The following COL14A1 variants were observed in gnomAD, a reference collection of about 807,000 sequenced individuals.
COL14A1 encodes the protein collagen alpha-1(XIV) chain.
In COL14A1, 136 loss-of-function variants were observed where a neutral mutation model predicts 230.3. The observed-to-expected ratio is 0.59, with a 90% confidence interval of 0.51 to 0.68. The LOEUF (loss-of-function observed/expected upper bound fraction) is 0.68. Ranked by LOEUF, COL14A1 falls within the 30% of genes least tolerant of loss-of-function variation. The pLI, the probability that COL14A1 is intolerant of heterozygous loss-of-function variation, is 0.00. For synonymous variants in COL14A1, 792 were observed against 784.1 expected, an observed-to-expected ratio of 1.01 and a Z score of -0.17; for missense variants, 1,976 against 2,215.8, an observed-to-expected ratio of 0.89 and a Z score of 2.17.
At chr8:120,146,758 A>G (rs1369260086) in intron 1 of COL14A1, among the ~76,000 whole-genome samples, 5 of 152,086 alleles carry the variant, frequency 3.3e-5, no homozygotes, top group Non-Finnish European at 4.4e-5. Flanking sequence ...CATTATGTTT[A>G]TTTATTATTT....
chr8:120,292,482 G>A (rs1820402583), intron 34 of COL14A1, among the ~76,000 whole-genome samples: 1 of 152,086 alleles, frequency 6.6e-6, no homozygotes, highest in Admixed American at 6.6e-5. Context: ...ATTTGATTAT[G>A]TTGAAATGAA....
chr8:120,178,297 A>G lies in COL14A1; in HGVS notation c.436+10050A>G, dbSNP rs558519873. 2.0e-5 allele frequency among the ~76,000 whole-genome samples: 3 copies of G among 151,484 alleles called. No individual in the cohort carries two copies. The East Asian group carries it at 5.8e-4, about 29-fold the overall frequency. On this transcript the variant is annotated intron_variant, in intron 5 of 47. Coordinates refer to ENST00000297848, the MANE Select transcript of COL14A1 (RefSeq NM_021110.4). Reference sequence around the variant, plus strand: ...TATGTCCATGTGTTCTCATTGTTCAACTCCCACTTATGAGTGAGAACATGC... The same window carrying G: ...TATGTCCATGTGTTCTCATTGTTCAGCTCCCACTTATGAGTGAGAACATGC...
chr8:120,270,662 C>T (rs1000818969), intron 26 of COL14A1, among the ~76,000 whole-genome samples: 1 of 151,534 alleles, frequency 6.6e-6, no homozygotes, highest in Non-Finnish European at 1.5e-5. Context: ...GGCTCATATT[C>T]TTAAAAGTAA....
intron 45 of COL14A1, among the ~76,000 whole-genome samples, chr8:120,366,927 G>T (rs747107417): frequency 7.2e-5 from 11 of 152,196 alleles, no homozygotes; most frequent in Non-Finnish European, 1.0e-4. Context: ...GAAGGAGAAA[G>T]AGAGACTGGC....
At position 120,165,505 on chromosome 8, in the gene COL14A1, T is replaced by C. The variant is rs533773919; in HGVS notation, c.350-2656T>C. ...CTGCAAATGAGGGTGATGATATGCC[T>C]ATTACTGTGCAGATGAGCTTACTTC... is the stretch of plus-strand genomic sequence containing the variant. On this transcript the variant is annotated intron_variant, in intron 4 of 47. Transcript: ENST00000297848. Among the ~76,000 whole-genome samples, 16 of 152,368 alleles carry C rather than the reference T, an allele frequency of 1.1e-4. No individual in the cohort carries two copies. In the South Asian group the frequency reaches 3.3e-3, roughly 32 times the overall value.
intron 26 of COL14A1, 85 bp from the exon 27 acceptor site, chr8:120,278,026 A>G (rs1310631151): frequency 8.2e-7 from 1 of 1,225,078 alleles, no homozygotes; most frequent in Non-Finnish European, 1.1e-6. Flanking sequence ...GAAGAAATTA[A>G]AACTACAGGT....
chr8:120,205,284 G>A (rs1817391413), intron 9 of COL14A1, among the ~76,000 whole-genome samples: 1 of 152,110 alleles, frequency 6.6e-6, no homozygotes, highest in Admixed American at 6.5e-5. Context: ...CCATGTCTGG[G>A]ATATATGAGT....
chr8:120,274,372 A>T (rs1819774270), intron 26 of COL14A1, among the ~76,000 whole-genome samples: 1 of 151,914 alleles, frequency 6.6e-6, no homozygotes, highest in Admixed American at 6.6e-5. Flanking sequence ...CCAAAATCAT[A>T]CTGAATGGAA....
chr8:120,224,022 C>CTTTTTTTTT (rs1563681445), intron 14 of COL14A1, among the ~76,000 whole-genome samples: 1 of 48,566 alleles, frequency 2.1e-5, no homozygotes, highest in African/African-American at 7.7e-5. Context: ...GCCCTCATCT[C>CTTTTTTTTT]CTTTTTTTTT....
chr8:120,259,953 G>A (rs555957378), intron 23 of COL14A1, among the ~76,000 whole-genome samples: 66 of 152,204 alleles, frequency 4.3e-4, no homozygotes, highest in African/African-American at 1.4e-3. Flanking sequence ...TAAGCAAAGC[G>A]AAACACTGAG....
intron 40 of COL14A1, among the ~76,000 whole-genome samples, chr8:120,328,292 G>A (rs1477547496): frequency 6.6e-6 from 1 of 152,094 alleles, no homozygotes; most frequent in Non-Finnish European, 1.5e-5. Context: ...GGAGTGCAGT[G>A]GTGTGATCAC....
intron 40 of COL14A1, among the ~76,000 whole-genome samples, chr8:120,326,600 A>C (rs1821677336): frequency 1.3e-5 from 2 of 152,350 alleles, no homozygotes; most frequent in South Asian, 4.1e-4. Flanking sequence ...GTTATGAAGA[A>C]ATTTTAGAAA....
chr8:120,317,312 A>G (rs1821267345), intron 40 of COL14A1, among the ~76,000 whole-genome samples: 1 of 152,194 alleles, frequency 6.6e-6, no homozygotes, highest in Admixed American at 6.5e-5. Flanking sequence ...TGTTTTTTCT[A>G]TAGAATGTAG....
At chr8:120,125,783 T>C (rs1318172023) in intron 1 of COL14A1, among the ~76,000 whole-genome samples, 1 of 152,102 alleles carries the variant, frequency 6.6e-6, no homozygotes, top group African/African-American at 2.4e-5. Flanking sequence ...CTGTTTTTAT[T>C]TATCTTGTGT....
intron 5 of COL14A1, among the ~76,000 whole-genome samples, chr8:120,178,546 T>C (rs1224405828): frequency 1.3e-5 from 2 of 152,186 alleles, no homozygotes; most frequent in Admixed American, 6.5e-5. Flanking sequence ...TACGTGTGCA[T>C]GTGTCTTTAT....
chr8:120,246,631 T>A (rs553458342), intron 20 of COL14A1, among the ~76,000 whole-genome samples: 3 of 152,314 alleles, frequency 2.0e-5, no homozygotes, highest in Admixed American at 2.0e-4. Flanking sequence ...AGGGCTTAAA[T>A]CTTATTACAG....
At chr8:120,171,147 T>G (rs1816081705) in intron 5 of COL14A1, among the ~76,000 whole-genome samples, 1 of 152,170 alleles carries the variant, frequency 6.6e-6, no homozygotes, top group Non-Finnish European at 1.5e-5. Context: ...AAAGCTAACA[T>G]AGTCTAATAC....
At chr8:120,227,146 A>G in intron 16 of COL14A1, 74 bp from the exon 17 acceptor site, 2 of 1,529,498 alleles carry the variant, frequency 1.3e-6, no homozygotes, top group Non-Finnish European at 1.8e-6. Flanking sequence ...TTTCTTGCTT[A>G]TGCTCAGAAT....
intron 31 of COL14A1, among the ~76,000 whole-genome samples, chr8:120,283,296 G>A (rs565862725): frequency 7.9e-5 from 12 of 152,250 alleles, no homozygotes; most frequent in South Asian, 4.2e-4. Flanking sequence ...GAAAACCTTT[G>A]ACACTACTAA....
Sources: gnomAD v4.1 joint callset for allele counts (sites outside exome capture counted in the v4.1 genomes callset) on GRCh38, gnomAD v4.1.1 for gene constraint, MANE v1.5 for transcripts, NCBI Gene and HGNC (gene_info 2026-07-23, HGNC 2026-07-21) for gene names.